The following KMT2B variants were observed in gnomAD, a reference collection of about 807,000 sequenced individuals.
KMT2B encodes lysine methyltransferase 2B.
In KMT2B, 22 loss-of-function variants were observed where a neutral mutation model predicts 255.3. The observed-to-expected ratio is 0.09, with a 90% CI of 0.06 to 0.12. The LOEUF (loss-of-function observed/expected upper bound fraction) is 0.12, where lower values mean the gene tolerates loss of function less well. Among genes scored for constraint, KMT2B ranks in the 10% least tolerant of loss-of-function variants. The probability of loss-of-function intolerance (pLI) is 1.00; values close to 1 mark genes in which losing one functional copy is unlikely to be tolerated. For missense variants in KMT2B, 3,149 were observed against 3,737.0 expected (o/e 0.84, Z 4.10); for synonymous variants, 1,730 against 1,498.1 (o/e 1.15, Z -3.57).
intron 8 of KMT2B, 63 bp from the exon 9 acceptor site, chr19:35,724,574 G>T (rs1336357293): frequency 1.5e-6 from 2 of 1,324,646 alleles, no homozygotes; most frequent in Admixed American, 2.0e-5. Context: ...GTAACATTTG[G>T]GGTTGTAGAA....
Position 35,729,041 on chromosome 19 carries a change from G to A in KMT2B, c.4744G>A (p.Ala1582Thr), listed in dbSNP as rs1363500254. The change falls in exon 21 of 37, where the codon GCA becomes ACA. Residue 1582 changes from alanine to threonine, a missense_variant. Ala to Thr is a moderately conservative substitution (Grantham distance 58). Coordinates refer to ENST00000420124, the MANE Select transcript of KMT2B (RefSeq NM_014727.3). ...ACACCTGGAGGACCCCCGTCAGTGT[G>A]CACTCTGCCTCAAATACGGGGATGC... ...FSHLEDPRQC[A>T]LCLKYGDADS... The A allele has an allele frequency of 3.7e-6, 6 of 1,614,014 alleles. No homozygotes were observed. In the South Asian group the frequency reaches 6.6e-5, roughly 18 times the overall value.
At position 35,723,128 on chromosome 19, in the gene KMT2B, A is replaced by G; in HGVS notation, c.2856A>G (p.Ser952=). 1 of 1,613,492 alleles carries G rather than the reference A, an allele frequency of 6.2e-7. No homozygotes were observed. Among genetic ancestry groups the G allele is most frequent in the Non-Finnish European group, 8.5e-7 (1 of 1,179,858 alleles). ...CCCTGGCCCACACACCCCGGCGCTC[A>G]CTGCCCTCCCATCACGGCAAGAAGA... ...GGTLAHTPRR[S]LPSHHGKKMR... The change falls in exon 6 of 37, where the codon TCA becomes TCG. Residue 952 remains serine (S), a synonymous_variant. Transcript: ENST00000420124. The surrounding 1 kb of genome is among the most constrained non-coding windows in gnomAD (Gnocchi z 7.5).
At position 35,732,278 on chromosome 19, in the gene KMT2B, C is replaced by T. The variant is rs760860229; in HGVS notation, c.5729C>T (p.Pro1910Leu). 1.1e-5 allele frequency: 18 copies of T among 1,610,302 alleles called. No homozygotes were observed. The highest frequency in any genetic ancestry group is 1.4e-5 in the Non-Finnish European group (16 of 1,178,440). The change falls in exon 28 of 37, where the codon CCC becomes CTC. Residue 1910 changes from proline (P) to leucine (L), a missense_variant. Transcript: ENST00000420124. ...TVGDPDFPAP[P>L]RRSRRPSPLA... ...GGAGACCCGGACTTCCCAGCTCCCC[C>T]CAGACGTTCCCGTCGTCCCAGCCCT...
Position 35,721,249 on chromosome 19 carries a change from C to A in KMT2B, c.1902C>A (p.Pro634=), listed in dbSNP as rs1377032917. ...CACCTCCCCCGGCCCCCTCCCCACC[C>A]CCTGCTCCTGCCACCTCCTCCCGGA... ...APPPPPAPSP[P]PAPATSSRRP... The change falls in exon 3 of 37, where the codon CCC becomes CCA. Residue 634 remains proline, a synonymous_variant. Coordinates refer to ENST00000420124, the MANE Select transcript of KMT2B (RefSeq NM_014727.3). 6.6e-7 allele frequency: 1 copy of A among 1,526,528 alleles called. No homozygotes were observed. The highest frequency in any genetic ancestry group is 2.5e-5 in the East Asian group (1 of 40,530). 94.6% of individuals were successfully genotyped at this position (1,526,528 alleles called of 1,614,324 possible).
Position 35,738,812 on chromosome 19 carries a change from CTTTT to C in KMT2B, c.*258_*261del. 1.9e-6 allele frequency: 1 copy of C among 530,472 alleles called. No homozygotes were observed. The highest frequency in any genetic ancestry group is 3.3e-6 in the Non-Finnish European group (1 of 302,320). The allele number at this position is 530,472 out of a possible 1,614,324, so 32.9% of individuals were successfully genotyped here. A position where few individuals can be genotyped will look rare whatever the true frequency, so the allele number is the denominator to read the frequency against. ...TTCTAAATCCCTTCTTTTCTATGCA[CTTTT>C]TTATTTAAGAGGTGGGGTCCCAGGT... On this transcript the variant is annotated 3_prime_UTR_variant, in exon 37 of 37. Coordinates refer to ENST00000420124, the MANE Select transcript of KMT2B (RefSeq NM_014727.3). This position sits in a 1 kb window ranked among gnomAD's most constrained non-coding sequence, Gnocchi z 8.7.
In KMT2B at chr19:35,721,732, C is replaced by T. The variant is rs1413964635; in HGVS notation, c.2385C>T (p.Leu795=). 3 of 1,610,436 alleles carry T rather than the reference C, an allele frequency of 1.9e-6. No homozygotes were observed. The highest frequency in any genetic ancestry group is 1.3e-5 in the African/African-American group (1 of 74,874). Residue 795 remains leucine, a synonymous_variant, in exon 3 of 37, where the codon CTC becomes CTT. Coordinates refer to ENST00000420124, the MANE Select transcript of KMT2B (RefSeq NM_014727.3). Reference sequence around the variant, plus strand: ...GGGTAGAGGAGAAGATGTTCAGCCTCCTCAAGAGAGCCAAAGTGCAGCTAT... The same window carrying T: ...GGGTAGAGGAGAAGATGTTCAGCCTTCTCAAGAGAGCCAAAGTGCAGCTAT... ...LSGVEEKMFS[L]LKRAKVQLFK... is the part of the protein sequence containing the mutation.
rs770494610 is a variant in KMT2B at position 35,737,765 on chromosome 19, G to A, written c.7658+22G>A. On this transcript the variant is annotated intron_variant, in intron 34 of 36. Coordinates refer to ENST00000420124, the MANE Select transcript of KMT2B (RefSeq NM_014727.3). The surrounding 1 kb of genome is among the most constrained non-coding windows in gnomAD (Gnocchi z 5.3). ...CCAGGTATGGAGTGTGAGCTGGGGG[G>A]CGGGTGGTGGTCTGGAAGGGTCTTA... 1.6e-5 allele frequency: 25 copies of A among 1,555,842 alleles called. No homozygotes were observed. In the South Asian group the frequency reaches 2.6e-4, roughly 16 times the overall value.
Position 35,731,911 on chromosome 19 carries a change from C to T in KMT2B, c.5441C>T (p.Pro1814Leu). The change falls in exon 27 of 37, where the codon CCC becomes CTC. Residue 1814 changes from proline (P) to leucine (L), a missense_variant. Around this residue, in one of 18 missense-constraint regions of KMT2B, gnomAD observed 897 missense variants for 825.3 expected, o/e 1.09. Transcript: ENST00000420124. ...ATGCCATTTCTCGCCTCTTCAGAGC[C>T]CCCAGGTGGTGAGGACCCCCCACTG... ...IVHSPAPSSE[P>L]PGGEDPPLDT... The T allele has an allele frequency of 6.2e-7, 1 of 1,612,226 alleles. No individual in the cohort carries two copies. The highest frequency in any genetic ancestry group is 8.5e-7 in the Non-Finnish European group (1 of 1,178,450).
At position 35,733,061 on chromosome 19, in the gene KMT2B, G is replaced by A; in HGVS notation, c.6512G>A (p.Gly2171Glu). 1 of 1,578,542 alleles carries A rather than the reference G, an allele frequency of 6.3e-7. No individual in the cohort carries two copies. The highest frequency in any genetic ancestry group is 8.6e-7 in the Non-Finnish European group (1 of 1,162,152). ...RTFAWLPGAPGVRVLSLGPAP... is the reference protein window; with the variant it reads ...RTFAWLPGAPEVRVLSLGPAP... ...TTTGCCTGGCTCCCAGGGGCCCCAG[G>A]GGTCCGGGTGTTAAGCCTTGGCCCT... is the stretch of plus-strand genomic sequence containing the variant. Residue 2171 changes from glycine to glutamate, a missense_variant, in exon 28 of 37, where the codon GGG becomes GAG. Physicochemically the swap from Gly to Glu is moderately conservative, Grantham distance 98. Around this residue, in one of 18 missense-constraint regions of KMT2B, gnomAD observed 897 missense variants for 825.3 expected, o/e 1.09. Transcript: ENST00000420124. This position sits in a 1 kb window ranked among gnomAD's most constrained non-coding sequence, Gnocchi z 4.3.
In KMT2B at chr19:35,730,694, T is replaced by C. The variant is rs1385670080; in HGVS notation, c.5277-13T>C. Reference sequence around the variant, plus strand: ...TTTCCCAAGCATCCTAACCGTCTTATCCCACATGCCAGGTGCTCCCGTCTG... The same window carrying C: ...TTTCCCAAGCATCCTAACCGTCTTACCCCACATGCCAGGTGCTCCCGTCTG... On this transcript the variant is annotated splice_polypyrimidine_tract_variant and intron_variant, in intron 25 of 36. Transcript: ENST00000420124. 8.7e-6 allele frequency: 14 copies of C among 1,613,804 alleles called. No individual in the cohort carries two copies. The highest frequency in any genetic ancestry group is 1.1e-5 in the Non-Finnish European group (13 of 1,179,886).
intron 23 of KMT2B, 105 bp downstream of exon 23, chr19:35,730,230 C>T: frequency 1.3e-6 from 2 of 1,596,296 alleles, no homozygotes; most frequent in South Asian, 1.1e-5. Flanking sequence ...CTCAGTGTCT[C>T]CTCATCTGTT....
chr19:35,721,052 A>C lies in KMT2B; in HGVS notation c.1705A>C (p.Thr569Pro), dbSNP rs1599671039. The part of the protein sequence containing the change: ...VSPVLRPPIT[T>P]SPPVPQEPAP... ...ACCTGTCCTGCGACCTCCCATTACC[A>C]CCTCCCCACCTGTTCCCCAGGAGCC... is the stretch of plus-strand genomic sequence containing the variant. Residue 569 changes from threonine to proline, a missense_variant, in exon 3 of 37, where the codon ACC (threonine) becomes CCC (proline). Around this residue, in one of 18 missense-constraint regions of KMT2B, gnomAD observed 1,188 missense variants for 1,106.4 expected, o/e 1.07. Coordinates refer to ENST00000420124, the MANE Select transcript of KMT2B (RefSeq NM_014727.3). 4.4e-6 allele frequency: 7 copies of C among 1,575,862 alleles called. No individual in the cohort carries two copies. In the Admixed American group the frequency reaches 5.4e-5, roughly 12 times the overall value.
At chr19:35,719,628 C>A (rs930436543) in intron 2 of KMT2B, 87 bp downstream of exon 2, 19 of 1,502,694 alleles carry the variant, frequency 1.3e-5, no homozygotes, top group Non-Finnish European at 1.7e-5. Context: ...CAACTAGCCT[C>A]TGTCAGTTGC....
chr19:35,733,353 A>G lies in KMT2B; in HGVS notation c.6804A>G (p.Pro2268=), dbSNP rs1301928368. 1.7e-5 allele frequency: 22 copies of G among 1,273,868 alleles called. No individual in the cohort carries two copies. The highest frequency in any genetic ancestry group is 3.2e-5 in the African/African-American group (2 of 61,942). 78.9% of individuals were successfully genotyped at this position (1,273,868 alleles called of 1,614,324 possible). A position where few individuals can be genotyped will look rare whatever the true frequency, so the allele number is the denominator to read the frequency against. ...PPLTLVLSSG[P]ASPPRQAIRV... Reference sequence around the variant, plus strand: ...TGACGCTGGTGCTGAGCAGTGGGCCAGCCAGCCCGCCCCGCCAGGCCATCC... The same window carrying G: ...TGACGCTGGTGCTGAGCAGTGGGCCGGCCAGCCCGCCCCGCCAGGCCATCC... The change falls in exon 28 of 37, where the codon CCA becomes CCG. Residue 2268 remains proline (P), a synonymous_variant. Coordinates refer to ENST00000420124, the MANE Select transcript of KMT2B (RefSeq NM_014727.3). The surrounding 1 kb of genome is among the most constrained non-coding windows in gnomAD (Gnocchi z 4.3).
intron 1 of KMT2B, among the ~76,000 whole-genome samples, chr19:35,719,101 G>C (rs1476433822): frequency 1.3e-5 from 2 of 152,160 alleles, no homozygotes; most frequent in African/African-American, 2.4e-5. Context: ...GAAATAAATT[G>C]TGGCCCGAAA....
Position 35,720,262 on chromosome 19 carries a change from C to T in KMT2B, c.915C>T (p.Ile305=), listed in dbSNP as rs745732906. The T allele has an allele frequency of 1.2e-6, 2 of 1,612,990 alleles. No homozygotes were observed. The highest frequency in any genetic ancestry group is 1.7e-6 in the Non-Finnish European group (2 of 1,179,634). Residue 305 remains isoleucine, a synonymous_variant, in exon 3 of 37, where the codon ATC becomes ATT. Transcript: ENST00000420124. ...GAGGTGGTGGGCTCCCCTTTGTGAT[C>T]AAGTTTGTTTCAAGGGCCAAAAAAG... ...RGRGGGLPFV[I]KFVSRAKKVK... is the part of the protein sequence containing the mutation.
chr19:35,733,846 T>C lies in KMT2B; in HGVS notation c.7133T>C (p.Leu2378Pro), dbSNP rs999131534. Residue 2378 changes from leucine to proline, a missense_variant, in exon 30 of 37, where the codon CTT becomes CCT. By Grantham distance (98) the Leu-to-Pro change is moderately conservative. Around this residue, in one of 18 missense-constraint regions of KMT2B, gnomAD observed 897 missense variants for 825.3 expected, o/e 1.09. Transcript: ENST00000420124. This position sits in a 1 kb window ranked among gnomAD's most constrained non-coding sequence, Gnocchi z 4.3. ...QVPDGPPDLL[L>P]ESQWHHYSGE... ...CCCGATGGTCCCCCAGACCTGCTGC[T>C]TGAGTCCCAGTGGCACCACTATTCA... 2 of 1,613,654 alleles carry C rather than the reference T, an allele frequency of 1.2e-6. No individual in the cohort carries two copies. The highest frequency in any genetic ancestry group is 1.7e-5 in the Admixed American group (1 of 60,006).
In KMT2B at chr19:35,725,443, C is replaced by G. The variant is rs1302630046; in HGVS notation, c.3643-36C>G. ...CATCCCTTGGCCCTCTGGCCTCATGCTATGCCCATCATTCACTCCTTTACC... is the reference window on the plus strand; with the variant it reads ...CATCCCTTGGCCCTCTGGCCTCATGGTATGCCCATCATTCACTCCTTTACC... On this transcript the variant is annotated intron_variant, in intron 11 of 36. Transcript: ENST00000420124. This position sits in a 1 kb window ranked among gnomAD's most constrained non-coding sequence, Gnocchi z 4.1. The G allele has an allele frequency of 6.2e-7, 1 of 1,605,966 alleles. No individual in the cohort carries two copies. Among genetic ancestry groups the G allele is most frequent in the South Asian group, 1.1e-5 (1 of 90,952 alleles).
chr19:35,720,031 A>C lies in KMT2B; in HGVS notation c.684A>C (p.Ala228=). Residue 228 remains alanine (A), a synonymous_variant, in exon 3 of 37, where the codon GCA becomes GCC. Transcript: ENST00000420124. The part of the protein sequence containing the change: ...RSRGRPPGRP[A]GPCRRKQQAV... The stretch of plus-strand genomic sequence containing the variant: ...GGGGACGGCCCCCAGGACGGCCAGC[A>C]GGCCCCTGCAGGAGGAAGCAGCAAG... 1 of 1,612,048 alleles carries C rather than the reference A, an allele frequency of 6.2e-7. No homozygotes were observed. Among genetic ancestry groups the C allele is most frequent in the Non-Finnish European group, 8.5e-7 (1 of 1,179,172 alleles).
Sources: allele counts gnomAD v4.1 joint callset (sites outside exome capture counted in the v4.1 genomes callset), GRCh38; gene constraint gnomAD v4.1.1; regional missense constraint gnomAD v4.1.1; non-coding constraint Gnocchi (gnomAD v3.1); transcripts MANE v1.5; gene names NCBI Gene and HGNC (gene_info 2026-07-23, HGNC 2026-07-21).